The following CNTNAP2 variants were observed in gnomAD, a reference collection of about 807,000 sequenced individuals.
CNTNAP2 encodes contactin-associated protein-like 2.
CNTNAP2 carries 98 observed loss-of-function variants against 155.2 expected under a neutral mutation model. The observed-to-expected ratio is 0.63, with a 90% CI of 0.54 to 0.75. CNTNAP2 has a LOEUF of 0.75. CNTNAP2 is among the 30% of genes least tolerant of loss of function. CNTNAP2 has a pLI of 0.00. For synonymous variants in CNTNAP2, 651 were observed against 631.2 expected (o/e 1.03, Z -0.47); for missense variants, 1,727 against 1,688.1 (o/e 1.02, Z -0.40).
chr7:146,619,982 C>T (rs347223), intron 1 of CNTNAP2, among the ~76,000 whole-genome samples: 99,128 of 152,088 alleles, frequency 0.65, 33,706 homozygotes, highest in African/African-American at 0.81. Flanking sequence ...TGTAAACTTA[C>T]GTTCTCACAA....
intron 3 of CNTNAP2, among the ~76,000 whole-genome samples, chr7:147,003,903 A>C (rs1236547412): frequency 6.6e-6 from 1 of 151,990 alleles, no homozygotes; most frequent in Admixed American, 6.6e-5. Context: ...ATGATGGTGC[A>C]TATCTGTAGT....
intron 1 of CNTNAP2, among the ~76,000 whole-genome samples, chr7:146,759,527 A>G (rs917368772): frequency 2.0e-5 from 3 of 151,838 alleles, no homozygotes; most frequent in African/African-American, 7.3e-5. Flanking sequence ...CCCCATCTCT[A>G]CTAAAAATAC....
At chr7:147,977,752 T>C in intron 14 of CNTNAP2, 110 bp from the exon 15 acceptor site, 1 of 1,479,902 alleles carries the variant, frequency 6.8e-7, no homozygotes, top group East Asian at 2.3e-5. Flanking sequence ...CTTAGTAAAC[T>C]TCCAAACGAT....
At position 146,691,113 on chromosome 7, in the gene CNTNAP2, A is replaced by C. The variant is rs1800691017; in HGVS notation, c.98-83158A>C. ...GTGTACCTATAGCTGTTTATGTGCA[A>C]ATGATAACTACTTTAACCAAACAAT... On this transcript the variant is annotated intron_variant, in intron 1 of 23. Coordinates refer to ENST00000361727, the MANE Select transcript of CNTNAP2 (RefSeq NM_014141.6). Among the ~76,000 whole-genome samples, 5 of 152,174 alleles carry C rather than the reference A, an allele frequency of 3.3e-5. No homozygotes were observed. The South Asian group carries it at 1.0e-3, about 31-fold the overall frequency.
chr7:146,905,004 C>G (rs539297368), intron 3 of CNTNAP2, among the ~76,000 whole-genome samples: 57 of 152,238 alleles, frequency 3.7e-4, no homozygotes, highest in African/African-American at 1.3e-3. Context: ...CCTAGTGTTC[C>G]TCAACCTCAG....
chr7:147,571,220 T>C (rs10275806), intron 12 of CNTNAP2, among the ~76,000 whole-genome samples: 3,188 of 150,216 alleles, frequency 0.021, 114 homozygotes, highest in African/African-American at 0.074. Flanking sequence ...GCTGCACCCA[T>C]TAACTCCTCA....
intron 15 of CNTNAP2, among the ~76,000 whole-genome samples, chr7:148,086,186 A>C (rs1803725296): frequency 6.6e-6 from 1 of 152,204 alleles, no homozygotes; most frequent in Non-Finnish European, 1.5e-5. Flanking sequence ...ATGATAATTG[A>C]TAGTTATGAT....
intron 8 of CNTNAP2, among the ~76,000 whole-genome samples, chr7:147,273,504 C>T (rs1200345062): frequency 4.0e-5 from 6 of 151,714 alleles, no homozygotes; most frequent in Non-Finnish European, 8.8e-5. Flanking sequence ...CAACCTTCAC[C>T]CGCTCTGACC....
intron 17 of CNTNAP2, among the ~76,000 whole-genome samples, chr7:148,156,734 T>C (rs1375350527): frequency 6.6e-6 from 1 of 152,182 alleles, no homozygotes; most frequent in Admixed American, 6.5e-5. Flanking sequence ...CAACTCTTGA[T>C]GCCTCCTGGA....
chr7:148,264,644 C>G (rs948846657), intron 20 of CNTNAP2, among the ~76,000 whole-genome samples: 1 of 152,206 alleles, frequency 6.6e-6, no homozygotes, highest in East Asian at 1.9e-4. Context: ...TTATTTGTAT[C>G]CATTTTTAAA....
At chr7:146,947,941 A>G (rs1484522196) in intron 3 of CNTNAP2, among the ~76,000 whole-genome samples, 1 of 152,064 alleles carries the variant, frequency 6.6e-6, no homozygotes, top group Non-Finnish European at 1.5e-5. Context: ...GTTTTATAAT[A>G]TTTGATGTAG....
intron 1 of CNTNAP2, among the ~76,000 whole-genome samples, chr7:146,617,763 A>T (rs957830509): frequency 6.6e-6 from 1 of 152,152 alleles, no homozygotes; most frequent in Admixed American, 6.5e-5. Context: ...GAAACAAAAT[A>T]TTTTTTTAAA....
At chr7:147,731,151 A>C (rs1167855747) in intron 13 of CNTNAP2, among the ~76,000 whole-genome samples, 1 of 152,186 alleles carries the variant, frequency 6.6e-6, no homozygotes, top group African/African-American at 2.4e-5. Context: ...GTTATCTAGA[A>C]GGTCTAGCTA....
intron 1 of CNTNAP2, among the ~76,000 whole-genome samples, chr7:146,159,032 C>G (rs905495416): frequency 2.6e-5 from 4 of 152,210 alleles, no homozygotes; most frequent in Non-Finnish European, 5.9e-5. Flanking sequence ...ATGAGACTAA[C>G]AGCAGATCTC....
chr7:147,276,162 G>T (rs1177108412), intron 8 of CNTNAP2, among the ~76,000 whole-genome samples: 1 of 151,600 alleles, frequency 6.6e-6, no homozygotes, highest in Non-Finnish European at 1.5e-5. Flanking sequence ...CCCTTGCCTG[G>T]TTTTGGTATC....
In CNTNAP2 at chr7:146,270,556, GAAGAA is replaced by G. The variant is rs974104425; in HGVS notation, c.97+153589_97+153593del. Among the ~76,000 whole-genome samples the G allele has an allele frequency of 2.4e-4, 37 of 152,044 alleles. 1 individual carries two copies. Among genetic ancestry groups the G allele is most frequent in the African/African-American group, 8.9e-4 (37 of 41,398 alleles). On this transcript the variant is annotated intron_variant, in intron 1 of 23. Coordinates refer to ENST00000361727, the MANE Select transcript of CNTNAP2 (RefSeq NM_014141.6). ...ATAGTAATATTGTTGACTTCATACA[GAAGAA>G]AAGAAGATAACTTTTAAACAATTTT...
At position 147,659,860 on chromosome 7, in the gene CNTNAP2, G is replaced by A. The variant is rs191720077; in HGVS notation, c.2098+20554G>A. On this transcript the variant is annotated intron_variant, in intron 13 of 23. Coordinates refer to ENST00000361727, the MANE Select transcript of CNTNAP2 (RefSeq NM_014141.6). ...TTTCCCCTAAGAGATTGTTTTGAAAGAATAACAAAGAAACAGAAATGAGGT... is the reference window on the plus strand; with the variant it reads ...TTTCCCCTAAGAGATTGTTTTGAAAAAATAACAAAGAAACAGAAATGAGGT... Among the ~76,000 whole-genome samples, 18 of 149,964 alleles carry A rather than the reference G, an allele frequency of 1.2e-4. No homozygotes were observed. The East Asian group carries it at 2.3e-3, about 19-fold the overall frequency.
intron 8 of CNTNAP2, among the ~76,000 whole-genome samples, chr7:147,144,269 G>T (rs77392732): frequency 6.6e-6 from 1 of 152,146 alleles, no homozygotes; most frequent in Non-Finnish European, 1.5e-5. Context: ...AAACTTTAGA[G>T]TAACTTTATA....
At chr7:147,506,109 G>C (rs1027117064) in intron 11 of CNTNAP2, among the ~76,000 whole-genome samples, 13 of 152,270 alleles carry the variant, frequency 8.5e-5, no homozygotes, top group African/African-American at 3.1e-4. Flanking sequence ...GATAGAGATA[G>C]TCAAAATGAT....
Sources: allele counts gnomAD v4.1 joint callset (sites outside exome capture counted in the v4.1 genomes callset), GRCh38; gene constraint gnomAD v4.1.1; transcripts MANE v1.5; gene names NCBI Gene and HGNC (gene_info 2026-07-23, HGNC 2026-07-21).